Variants in GLRA1 observed in about 807,000 individuals in gnomAD.
GLRA1 encodes the protein glycine receptor alpha 1.
GLRA1 carries 37 observed loss-of-function variants against 48.3 expected under a neutral mutation model. The observed-to-expected ratio is 0.77, with a 90% confidence interval of 0.59 to 1.01. The LOEUF is 1.01. GLRA1 is among the 50% of genes least tolerant of loss of function. GLRA1 has a pLI of 0.00. For synonymous variants in GLRA1, 196 were observed against 210.7 expected (o/e 0.93, Z 0.60); for missense variants, 427 against 571.0 (o/e 0.75, Z 2.57).
chr5:151,905,371 G>A (rs1437261383), intron 1 of GLRA1, among the ~76,000 whole-genome samples: 2 of 151,744 alleles, frequency 1.3e-5, no homozygotes, highest in African/African-American at 4.8e-5. Flanking sequence ...TTCTAAATGA[G>A]CATTTTCTAT....
intron 7 of GLRA1, among the ~76,000 whole-genome samples, chr5:151,848,217 T>C (rs1311830422): frequency 6.6e-6 from 1 of 152,186 alleles, no homozygotes; most frequent in Non-Finnish European, 1.5e-5. Flanking sequence ...GCCTAGATTG[T>C]ACAAACAATC....
intron 1 of GLRA1, among the ~76,000 whole-genome samples, chr5:151,912,619 G>T (rs979028260): frequency 6.6e-6 from 1 of 152,178 alleles, no homozygotes; most frequent in Non-Finnish European, 1.5e-5. Flanking sequence ...ATACAGCAGT[G>T]CTTTAGGGTT....
chr5:151,860,601 C>A (rs1352309534), intron 3 of GLRA1, among the ~76,000 whole-genome samples: 1 of 152,186 alleles, frequency 6.6e-6, no homozygotes, highest in African/African-American at 2.4e-5. Flanking sequence ...CTGTAGTGTT[C>A]CTGCTGGTCC....
chr5:151,890,734 A>T (rs1324978228), intron 2 of GLRA1, among the ~76,000 whole-genome samples: 1 of 152,204 alleles, frequency 6.6e-6, no homozygotes, highest in Non-Finnish European at 1.5e-5. Flanking sequence ...CTTCATTCAT[A>T]TACTATAGTT....
At position 151,840,899 on chromosome 5, in the gene GLRA1, A is replaced by AT. The variant is rs1199482362; in HGVS notation, c.912+10490dup. Among the ~76,000 whole-genome samples, 3 of 152,300 alleles carry AT rather than the reference A, an allele frequency of 2.0e-5. No homozygotes were observed. In the East Asian group the frequency reaches 5.8e-4, roughly 29 times the overall value. Reference sequence around the variant, plus strand: ...AAATATATGAAGCAAAACTGCCTGAATTGAAGCAATAAATAGATAATTCAA... The same window carrying AT: ...AAATATATGAAGCAAAACTGCCTGAATTTGAAGCAATAAATAGATAATTCAA... On this transcript the variant is annotated intron_variant, in intron 7 of 8. Transcript: ENST00000274576.
At chr5:151,866,773 T>C (rs911662514) in intron 3 of GLRA1, among the ~76,000 whole-genome samples, 1 of 151,912 alleles carries the variant, frequency 6.6e-6, no homozygotes, top group African/African-American at 2.4e-5. Context: ...TGGACACAAA[T>C]ATCTACCACA....
chr5:151,866,566 G>A (rs960036721), intron 3 of GLRA1, among the ~76,000 whole-genome samples: 1 of 152,072 alleles, frequency 6.6e-6, no homozygotes, highest in African/African-American at 2.4e-5. Context: ...TGCATCAAGA[G>A]GTAAACAAAA....
chr5:151,911,604 T>G (rs1357089637), intron 1 of GLRA1, among the ~76,000 whole-genome samples: 1 of 144,196 alleles, frequency 6.9e-6, no homozygotes, highest in African/African-American at 2.6e-5. Flanking sequence ...GCTAGAGTTT[T>G]TTTTTTTTTT....
intron 7 of GLRA1, chr5:151,848,855 G>C: frequency 1.7e-6 from 1 of 584,214 alleles, no homozygotes; most frequent in Non-Finnish European, 3.3e-6. Flanking sequence ...TTACCCGCCC[G>C]CCTGCTCAGC....
At chr5:151,920,197 G>C (rs1164754173) in intron 1 of GLRA1, among the ~76,000 whole-genome samples, 1 of 152,172 alleles carries the variant, frequency 6.6e-6, no homozygotes, top group Non-Finnish European at 1.5e-5. Context: ...GTGGGTATGG[G>C]CCCCTGCCTT....
At chr5:151,892,235 G>T (rs764849417) in intron 2 of GLRA1, 76 bp downstream of exon 2, 3 of 1,319,522 alleles carry the variant, frequency 2.3e-6, no homozygotes, top group African/African-American at 1.4e-5. Flanking sequence ...TACCATCTGC[G>T]TGCATTACCA....
chr5:151,850,243 T>G, intron 7 of GLRA1: 1 of 1,604,758 alleles, frequency 6.2e-7, no homozygotes, highest in Non-Finnish European at 8.5e-7. Context: ...GGAGCCAAGA[T>G]GGTGGGTACT....
intron 1 of GLRA1, among the ~76,000 whole-genome samples, chr5:151,918,537 C>A (rs1018648778): frequency 6.6e-6 from 1 of 152,044 alleles, no homozygotes; most frequent in Non-Finnish European, 1.5e-5. Flanking sequence ...TATTAGTTAT[C>A]CAATCCATTT....
intron 1 of GLRA1, among the ~76,000 whole-genome samples, chr5:151,913,863 G>A (rs1474102367): frequency 6.6e-6 from 1 of 152,174 alleles, no homozygotes; most frequent in African/African-American, 2.4e-5. Flanking sequence ...CATGGGTTAA[G>A]TTCTATCCAG....
intron 8 of GLRA1, among the ~76,000 whole-genome samples, chr5:151,825,218 CT>C (rs1273094465): frequency 1.3e-5 from 2 of 152,164 alleles, no homozygotes; most frequent in African/African-American, 4.8e-5. Context: ...ATTGCTGGAC[CT>C]AGTACTTAGA....
chr5:151,913,097 A>G (rs1371943937), intron 1 of GLRA1, among the ~76,000 whole-genome samples: 1 of 152,254 alleles, frequency 6.6e-6, no homozygotes, highest in Non-Finnish European at 1.5e-5. Context: ...ATAGCATCTC[A>G]GAGAGAAGGA....
At chr5:151,825,221 G>A (rs1763242499) in intron 8 of GLRA1, among the ~76,000 whole-genome samples, 1 of 152,224 alleles carries the variant, frequency 6.6e-6, no homozygotes, top group Non-Finnish European at 1.5e-5. Context: ...GCTGGACCTA[G>A]TACTTAGAAG....
intron 7 of GLRA1, among the ~76,000 whole-genome samples, chr5:151,848,513 C>T (rs1244691228): frequency 6.6e-5 from 10 of 152,104 alleles, no homozygotes; most frequent in East Asian, 3.9e-4. Context: ...ATTACAAGCG[C>T]GGGCCACCAT....
chr5:151,868,202 A>C (rs773274197), intron 3 of GLRA1, among the ~76,000 whole-genome samples: 1 of 152,242 alleles, frequency 6.6e-6, no homozygotes, highest in Non-Finnish European at 1.5e-5. Flanking sequence ...AGGGGCACAC[A>C]GCAATTCAAT....
Sources: gnomAD v4.1 joint callset for allele counts (sites outside exome capture counted in the v4.1 genomes callset) on GRCh38, gnomAD v4.1.1 for gene constraint, MANE v1.5 for transcripts, NCBI Gene and HGNC (gene_info 2026-07-23, HGNC 2026-07-21) for gene names.